Variants in CACNA2D1 observed in about 807,000 individuals in gnomAD.
The protein encoded by CACNA2D1 is voltage-dependent calcium channel subunit alpha-2/delta-1.
A neutral mutation model predicts 171.5 loss-of-function variants in CACNA2D1; 53 were observed. The observed-to-expected ratio is 0.31, with a 90% confidence interval of 0.25 to 0.39. The LOEUF (loss-of-function observed/expected upper bound fraction) is 0.39. Among genes scored for constraint, CACNA2D1 ranks in the 10% least tolerant of loss-of-function variants. The pLI is 1.00. For missense variants in CACNA2D1, 903 were observed against 1,299.8 expected (o/e 0.69, Z 4.69); for synonymous variants, 442 against 443.1 (o/e 1.00, Z 0.03).
intron 3 of CACNA2D1, among the ~76,000 whole-genome samples, chr7:82,194,770 A>G (rs971766431): frequency 1.3e-5 from 2 of 151,992 alleles, no homozygotes; most frequent in African/African-American, 4.8e-5. Flanking sequence ...ATCTGTGAGG[A>G]AGAACTGGAA....
intron 1 of CACNA2D1, among the ~76,000 whole-genome samples, chr7:82,409,389 T>C (rs1341096455): frequency 6.6e-6 from 1 of 152,212 alleles, no homozygotes; most frequent in Non-Finnish European, 1.5e-5. Flanking sequence ...CTATTTCTTC[T>C]GGTAGCCTCT....
intron 5 of CACNA2D1, among the ~76,000 whole-genome samples, chr7:82,117,962 T>C (rs1231562027): frequency 6.6e-6 from 1 of 152,178 alleles, no homozygotes; most frequent in East Asian, 1.9e-4. Context: ...ACAGAAATAA[T>C]ATGGCAATGA....
intron 3 of CACNA2D1, among the ~76,000 whole-genome samples, chr7:82,302,152 A>G (rs1261651625): frequency 6.6e-6 from 1 of 152,182 alleles, no homozygotes; most frequent in South Asian, 2.1e-4. Context: ...AACAAAATCT[A>G]CATATAACTG....
At position 82,032,034 on chromosome 7, in the gene CACNA2D1, A is replaced by T. The variant is rs1402166151; in HGVS notation, c.1143+763T>A. On this transcript the variant is annotated intron_variant, in intron 12 of 38. Transcript: ENST00000356860. The stretch of plus-strand genomic sequence containing the variant: ...CCAGGTTGAGAATCACAGTATTCTT[A>T]CAAAATGTGGAGTGTTGGTCAGAAA... 3.3e-5 allele frequency among the ~76,000 whole-genome samples: 5 copies of T among 152,018 alleles called. No homozygotes were observed. The East Asian group carries it at 9.6e-4, about 29-fold the overall frequency.
At chr7:82,068,050 T>G (rs1807872697) in intron 7 of CACNA2D1, among the ~76,000 whole-genome samples, 1 of 152,134 alleles carries the variant, frequency 6.6e-6, no homozygotes, top group East Asian at 1.9e-4. Flanking sequence ...AGAAAAAGGA[T>G]TTTTCTTCCT....
chr7:82,416,284 T>C (rs1259330985), intron 1 of CACNA2D1, among the ~76,000 whole-genome samples: 7 of 152,014 alleles, frequency 4.6e-5, no homozygotes, highest in Admixed American at 3.9e-4. Flanking sequence ...TTGTAATAAT[T>C]GTGGTATATG....
At chr7:82,262,896 T>C (rs934899922) in intron 3 of CACNA2D1, among the ~76,000 whole-genome samples, 1 of 152,118 alleles carries the variant, frequency 6.6e-6, no homozygotes, top group Non-Finnish European at 1.5e-5. Context: ...GAGTAAGGAA[T>C]GCTACACAAA....
intron 6 of CACNA2D1, among the ~76,000 whole-genome samples, chr7:82,091,446 C>A (rs182738838): frequency 1.3e-5 from 2 of 152,142 alleles, no homozygotes; most frequent in East Asian, 1.9e-4. Flanking sequence ...TAGTTTCCTG[C>A]GGATTGAGCA....
intron 3 of CACNA2D1, among the ~76,000 whole-genome samples, chr7:82,177,500 A>G (rs931099431): frequency 6.6e-6 from 1 of 152,102 alleles, no homozygotes; most frequent in Non-Finnish European, 1.5e-5. Flanking sequence ...ACAAATTACA[A>G]TCAATGGTGT....
chr7:82,272,618 T>G (rs1808785454), intron 3 of CACNA2D1, among the ~76,000 whole-genome samples: 1 of 152,182 alleles, frequency 6.6e-6, no homozygotes, highest in African/African-American at 2.4e-5. Context: ...TGAGGTCTCC[T>G]GCCAATAGCC....
chr7:82,337,833 G>A (rs771958709), intron 2 of CACNA2D1, among the ~76,000 whole-genome samples: 4 of 152,100 alleles, frequency 2.6e-5, no homozygotes, highest in Non-Finnish European at 5.9e-5. Context: ...CCCTAAAGTT[G>A]AAGTTCTCCT....
At chr7:82,073,957 A>G (rs1394643326) in intron 7 of CACNA2D1, among the ~76,000 whole-genome samples, 3 of 152,192 alleles carry the variant, frequency 2.0e-5, no homozygotes, top group Non-Finnish European at 1.5e-5. Flanking sequence ...GGCTCTAGGA[A>G]CTAGGCACAT....
At chr7:81,974,136 A>G (rs1007899429) in intron 25 of CACNA2D1, among the ~76,000 whole-genome samples, 1 of 152,024 alleles carries the variant, frequency 6.6e-6, no homozygotes, top group African/African-American at 2.4e-5. Context: ...GCAAAATGCT[A>G]TAAAAAAACC....
At chr7:82,157,885 GTT>G (rs1318181878) in intron 4 of CACNA2D1, among the ~76,000 whole-genome samples, 4 of 151,846 alleles carry the variant, frequency 2.6e-5, no homozygotes, top group Non-Finnish European at 4.4e-5. Context: ...TTCACCAATT[GTT>G]GAGTTCTAAG....
intron 6 of CACNA2D1, among the ~76,000 whole-genome samples, chr7:82,096,569 C>A (rs1811886525): frequency 6.6e-6 from 1 of 150,682 alleles, no homozygotes; most frequent in Non-Finnish European, 1.5e-5. Context: ...TAATATAAAG[C>A]ATTTCAATAA....
chr7:82,360,282 T>A (rs867462123), intron 1 of CACNA2D1, among the ~76,000 whole-genome samples: 7 of 152,308 alleles, frequency 4.6e-5, no homozygotes, highest in Admixed American at 1.3e-4. Flanking sequence ...AGTCTTTCTT[T>A]ACATGGCAAG....
chr7:82,010,361 A>C (rs1180079288), intron 15 of CACNA2D1, among the ~76,000 whole-genome samples: 6 of 151,884 alleles, frequency 4.0e-5, no homozygotes, highest in African/African-American at 1.5e-4. Context: ...AATGAATAGC[A>C]AATTCACGTG....
intron 7 of CACNA2D1, among the ~76,000 whole-genome samples, chr7:82,079,012 A>T (rs914387744): frequency 2.0e-5 from 3 of 152,234 alleles, no homozygotes; most frequent in African/African-American, 7.2e-5. Context: ...GTTCATGTTC[A>T]GTCCAAGGAC....
chr7:82,379,179 G>A (rs1278189844), intron 1 of CACNA2D1, among the ~76,000 whole-genome samples: 1 of 152,068 alleles, frequency 6.6e-6, no homozygotes, highest in Non-Finnish European at 1.5e-5. Flanking sequence ...TTTCTCAAAT[G>A]TTTCCCCAAC....
Sources: allele counts gnomAD v4.1 joint callset (sites outside exome capture counted in the v4.1 genomes callset), GRCh38; gene constraint gnomAD v4.1.1; transcripts MANE v1.5; gene names NCBI Gene and HGNC (gene_info 2026-07-23, HGNC 2026-07-21).